The following MAD1L1 variants were observed in gnomAD, a reference collection of about 807,000 sequenced individuals.
MAD1L1 encodes mitotic spindle assembly checkpoint protein MAD1.
MAD1L1 carries 95 observed loss-of-function variants against 96.9 expected under a neutral mutation model. The ratio of observed to expected loss-of-function variants is 0.98; its 90% confidence interval spans 0.83 to 1.16. MAD1L1 has a LOEUF of 1.16. Among genes scored for constraint, MAD1L1 ranks in the 50% most tolerant of loss-of-function variants. The pLI, the probability that MAD1L1 is intolerant of heterozygous loss-of-function variation, is 0.00. For synonymous variants in MAD1L1, 473 were observed against 396.6 expected (o/e 1.19, Z -2.29); for missense variants, 1,007 against 954.4 (o/e 1.06, Z -0.73).
chr7:2,229,976 C>A lies in MAD1L1; in HGVS notation c.150+8G>T. ...GAGCAGACTCCCACCCAGGCACATGCCACTCACCTGCATGCTCTGCTGGTA... is the reference window on the plus strand; with the variant it reads ...GAGCAGACTCCCACCCAGGCACATGACACTCACCTGCATGCTCTGCTGGTA... On this transcript the variant is annotated splice_region_variant and intron_variant, in intron 3 of 18. Transcript: ENST00000265854. The A allele has an allele frequency of 6.2e-7, 1 of 1,611,992 alleles. No homozygotes were observed.
intron 16 of MAD1L1, among the ~76,000 whole-genome samples, chr7:1,944,094 G>A (rs532915564): frequency 6.6e-6 from 1 of 152,136 alleles, no homozygotes; most frequent in Admixed American, 6.5e-5. Context: ...AATGGGCCAC[G>A]GGACTCCCTC....
At chr7:1,860,914 C>T (rs746209852) in intron 18 of MAD1L1, among the ~76,000 whole-genome samples, 69 of 152,322 alleles carry the variant, frequency 4.5e-4, no homozygotes, top group Non-Finnish European at 8.1e-4. Flanking sequence ...GCAGACAGGC[C>T]GGCCGTCAAA....
rs533846130 is a variant in MAD1L1 at position 2,128,371 on chromosome 7, G to A, written c.1073+20781C>T. On this transcript the variant is annotated intron_variant, in intron 11 of 18. Coordinates refer to ENST00000265854, the MANE Select transcript of MAD1L1 (RefSeq NM_001013836.2). ...AGCCCTGGTGCCAGAAAGAGAGGGCGGAGGAGGCCAGACCACCGTGAAAGA... is the reference window on the plus strand; with the variant it reads ...AGCCCTGGTGCCAGAAAGAGAGGGCAGAGGAGGCCAGACCACCGTGAAAGA... Among the ~76,000 whole-genome samples the A allele has an allele frequency of 9.2e-5, 14 of 152,178 alleles. No individual in the cohort carries two copies. The South Asian group carries it at 2.1e-3, about 23-fold the overall frequency.
chr7:2,199,849 C>A (rs745755299), intron 10 of MAD1L1, among the ~76,000 whole-genome samples: 4 of 152,256 alleles, frequency 2.6e-5, no homozygotes, highest in Non-Finnish European at 5.9e-5. Flanking sequence ...GCCATGCTGG[C>A]CAGCAGGGCC....
At chr7:1,949,723 A>G (rs1052809447) in intron 16 of MAD1L1, among the ~76,000 whole-genome samples, 1 of 152,218 alleles carries the variant, frequency 6.6e-6, no homozygotes, top group East Asian at 1.9e-4. Context: ...ACCAAAGGAC[A>G]TCGGTCCCTT....
intron 9 of MAD1L1, among the ~76,000 whole-genome samples, chr7:2,213,837 C>A (rs867349983): frequency 6.6e-6 from 1 of 152,216 alleles, no homozygotes; most frequent in African/African-American, 2.4e-5. Context: ...CATGCCTGTC[C>A]CATGCTGAGC....
intron 5 of MAD1L1, among the ~76,000 whole-genome samples, chr7:2,220,045 T>C (rs1793511283): frequency 6.6e-6 from 1 of 152,170 alleles, no homozygotes; most frequent in African/African-American, 2.4e-5. Flanking sequence ...CCTCCAACCG[T>C]GGCTCCTGTC....
At chr7:2,216,968 C>T (rs540440050) in intron 7 of MAD1L1, among the ~76,000 whole-genome samples, 19 of 152,240 alleles carry the variant, frequency 1.2e-4, no homozygotes, top group Admixed American at 7.8e-4. Context: ...CCCAGCCCTC[C>T]GCGTACTGGG....
intron 18 of MAD1L1, among the ~76,000 whole-genome samples, chr7:1,866,701 A>AGG (rs751839771): frequency 3.6e-4 from 55 of 152,288 alleles, no homozygotes; most frequent in African/African-American, 1.1e-3. Context: ...GGGGGCAGGC[A>AGG]GGGGTGAAGG....
chr7:1,873,053 G>A (rs942008311), intron 18 of MAD1L1, among the ~76,000 whole-genome samples: 5 of 152,272 alleles, frequency 3.3e-5, no homozygotes, highest in African/African-American at 9.6e-5. Flanking sequence ...CAGCAATGAC[G>A]CAACGAGTCA....
At chr7:1,939,821 C>A (rs1041131306) in intron 16 of MAD1L1, among the ~76,000 whole-genome samples, 2 of 148,190 alleles carry the variant, frequency 1.3e-5, no homozygotes, top group Non-Finnish European at 3.0e-5. Flanking sequence ...CTCCAAGTCC[C>A]CGAAGGACGG....
At chr7:1,956,093 G>A (rs944333762) in intron 16 of MAD1L1, among the ~76,000 whole-genome samples, 8 of 152,078 alleles carry the variant, frequency 5.3e-5, no homozygotes, top group South Asian at 2.1e-4. Flanking sequence ...GACCTAAGCC[G>A]GTTCAAGGCA....
At chr7:2,034,430 TG>T (rs1275492170) in intron 12 of MAD1L1, among the ~76,000 whole-genome samples, 1 of 152,156 alleles carries the variant, frequency 6.6e-6, no homozygotes, top group Non-Finnish European at 1.5e-5. Context: ...TTGCCCAGGC[TG>T]GTCCGAACTC....
chr7:2,039,901 C>A (rs76368112), intron 12 of MAD1L1, among the ~76,000 whole-genome samples: 3,027 of 151,570 alleles, frequency 0.02, 105 homozygotes, highest in African/African-American at 0.07. Context: ...GCAGAAGGAA[C>A]GAAATAATAA....
At chr7:2,032,957 A>G (rs1457628808) in intron 12 of MAD1L1, among the ~76,000 whole-genome samples, 10 of 152,238 alleles carry the variant, frequency 6.6e-5, no homozygotes, top group Non-Finnish European at 1.5e-4. Flanking sequence ...AAGGACGTGG[A>G]GAGGGCACCA....
intron 12 of MAD1L1, among the ~76,000 whole-genome samples, chr7:2,021,709 G>A (rs1177153916): frequency 1.3e-5 from 2 of 152,072 alleles, no homozygotes; most frequent in East Asian, 3.9e-4. Flanking sequence ...AGGCTATAGT[G>A]AGCCAAGATC....
chr7:1,981,675 C>T (rs1322268626), intron 14 of MAD1L1, among the ~76,000 whole-genome samples: 2 of 152,106 alleles, frequency 1.3e-5, no homozygotes, highest in Non-Finnish European at 2.9e-5. Flanking sequence ...GCAGGTACCA[C>T]GGCAGCCGGA....
chr7:2,222,561 G>C lies in MAD1L1; in HGVS notation c.471+14C>G, dbSNP rs758244019. The C allele has an allele frequency of 6.4e-7, 1 of 1,570,432 alleles. No individual in the cohort carries two copies. Among genetic ancestry groups the C allele is most frequent in the East Asian group, 2.3e-5 (1 of 43,440 alleles). On this transcript the variant is annotated intron_variant, in intron 5 of 18. Transcript: ENST00000265854. ...CGGGAAAACAGCTCCCTGCGCAGCA[G>C]AGGCCCCGCTCACCTCGCCAGCCTG...
intron 13 of MAD1L1, 107 bp downstream of exon 13, chr7:2,014,395 T>G: frequency 2.2e-6 from 3 of 1,385,476 alleles, no homozygotes; most frequent in Non-Finnish European, 2.9e-6. Flanking sequence ...AGCCGGGAAC[T>G]GGGGAGGCGG....
Sources: allele counts gnomAD v4.1 joint callset (sites outside exome capture counted in the v4.1 genomes callset), GRCh38; gene constraint gnomAD v4.1.1; transcripts MANE v1.5; gene names NCBI Gene and HGNC (gene_info 2026-07-23, HGNC 2026-07-21).